Variants in ZNF180 observed in about 807,000 individuals in gnomAD.
ZNF180 encodes zinc finger protein 180.
Under a neutral mutation model 11.8 loss-of-function variants are expected in ZNF180, and 11 were observed. That is an observed-to-expected ratio of 0.93 (90% confidence interval 0.59 to 1.55). The LOEUF is 1.55. ZNF180 is among the 40% of genes most tolerant of loss of function. ZNF180 has a pLI of 0.00. For missense variants in ZNF180, 773 were observed against 781.7 expected (o/e 0.99, Z 0.13); for synonymous variants, 287 against 257.7 (o/e 1.11, Z -1.09).
intron 2 of ZNF180, among the ~76,000 whole-genome samples, chr19:44,493,750 T>TCTCTCTTG (rs1258057463): frequency 2.8e-4 from 42 of 150,722 alleles, no homozygotes; most frequent in Middle Eastern, 6.8e-3. Context: ...GTGCTCTTGC[T>TCTCTCTTG]CTCTCTCTCT....
At chr19:44,480,921 G>A (rs1020060773) in intron 3 of ZNF180, among the ~76,000 whole-genome samples, 3 of 152,152 alleles carry the variant, frequency 2.0e-5, no homozygotes, top group African/African-American at 7.2e-5. Flanking sequence ...GATCCTCAAA[G>A]ATTAACTGAG....
rs1970558308 is a variant in ZNF180, at chr19:44,495,566, C to G, written c.51+1718G>C. ...ATCTCACCCCACTCTGGCTCCAACA[C>G]CCCATCTACCATGGACACCTGCTCA... On this transcript the variant is annotated intron_variant, in intron 2 of 4. Coordinates refer to ENST00000592529, the MANE Select transcript of ZNF180 (RefSeq NM_001278509.3). This position sits in a 1 kb window ranked among gnomAD's most constrained non-coding sequence, Gnocchi z 4.5. Among the ~76,000 whole-genome samples the G allele has an allele frequency of 6.6e-6, 1 of 152,148 alleles. No homozygotes were observed. Among genetic ancestry groups the G allele is most frequent in the African/African-American group, 2.4e-5 (1 of 41,416 alleles).
At chr19:44,490,136 G>T (rs977062397) in intron 2 of ZNF180, among the ~76,000 whole-genome samples, 1 of 115,816 alleles carries the variant, frequency 8.6e-6, no homozygotes, top group Admixed American at 9.6e-5. Context: ...GGAAGGGAAG[G>T]GAAAGAAAGG....
At chr19:44,479,433 C>A (rs777302047) in intron 3 of ZNF180, 24 bp from the exon 4 acceptor site, 1 of 1,612,300 alleles carries the variant, frequency 6.2e-7, no homozygotes, top group South Asian at 1.1e-5. Context: ...CACATTCCTG[C>A]TCAGCTGGGC....
At chr19:44,499,146 T>C (rs1970667161) in intron 1 of ZNF180, among the ~76,000 whole-genome samples, 1 of 152,152 alleles carries the variant, frequency 6.6e-6, no homozygotes, top group Non-Finnish European at 1.5e-5. Context: ...AGCATACAGC[T>C]CCATAATCAG....
chr19:44,478,021 C>A lies in ZNF180; in HGVS notation c.379G>T (p.Glu127Ter). The A allele has an allele frequency of 1.2e-6, 2 of 1,614,088 alleles. No homozygotes were observed. Among genetic ancestry groups the A allele is most frequent in the Non-Finnish European group, 1.7e-6 (2 of 1,179,972 alleles). Reference sequence around the variant, plus strand: ...AACTGGTCTTTACAATCATCCACTTCTTCACATGAAGATAACCAAGGATCA... The same window carrying A: ...AACTGGTCTTTACAATCATCCACTTATTCACATGAAGATAACCAAGGATCA... ...RDDPWLSSCEEVDDCKDQLEK... is the reference protein window; with the variant it reads ...RDDPWLSSCE Residue 127 changes from glutamate to a stop codon, truncating the protein, a stop_gained, in exon 5 of 5, where the codon GAA becomes TAA. Coordinates refer to ENST00000592529, the MANE Select transcript of ZNF180 (RefSeq NM_001278509.3). LOFTEE classifies it low-confidence loss of function (END_TRUNC).
intron 4 of ZNF180, 128 bp from the exon 5 acceptor site, chr19:44,478,274 T>G: frequency 1.0e-6 from 1 of 982,026 alleles, no homozygotes; most frequent in African/African-American, 1.6e-5. Flanking sequence ...TAACCTAGGT[T>G]GAAAAAGCAA....
chr19:44,490,540 A>C (rs567730962), intron 2 of ZNF180, among the ~76,000 whole-genome samples: 2 of 152,258 alleles, frequency 1.3e-5, no homozygotes, highest in African/African-American at 2.4e-5. Flanking sequence ...TTTTCTTAAA[A>C]AAATGCCTGG....
At chr19:44,482,390 T>A (rs1325920848) in intron 3 of ZNF180, among the ~76,000 whole-genome samples, 2 of 152,154 alleles carry the variant, frequency 1.3e-5, no homozygotes, top group African/African-American at 4.8e-5. Context: ...TAATGGAGAC[T>A]TATACTTCCT....
chr19:44,477,369 T>C lies in ZNF180; in HGVS notation c.1031A>G (p.His344Arg), dbSNP rs146532451. Residue 344 changes from histidine (H) to arginine (R), a missense_variant, in exon 5 of 5, where the codon CAT (histidine) becomes CGT (arginine). Coordinates refer to ENST00000592529, the MANE Select transcript of ZNF180 (RefSeq NM_001278509.3). Reference protein sequence around the residue: ...SFSWSSHLVAHQRTHTGEKPY... With the variant: ...SFSWSSHLVARQRTHTGEKPY... ...TTTCTCCCCTGTGTGAGTTCTCTGA[T>C]GTGCAACAAGATGCGAGCTCCAGCT... 7.4e-5 allele frequency: 119 copies of C among 1,614,142 alleles called. No homozygotes were observed. The African/African-American group carries it at 1.4e-3, about 19-fold the overall frequency.
In ZNF180 at chr19:44,489,136, C is replaced by T. The variant is rs551852707; in HGVS notation, c.52-4701G>A. Among the ~76,000 whole-genome samples, 9 of 143,986 alleles carry T rather than the reference C, an allele frequency of 6.3e-5. No homozygotes were observed. The South Asian group carries it at 1.9e-3, about 30-fold the overall frequency. 94.5% of individuals were successfully genotyped at this position (143,986 alleles called of 152,430 possible). A position where few individuals can be genotyped will look rare whatever the true frequency, so the allele number is the denominator to read the frequency against. ...CAGCCTCCCGCCCGGCCAGCCGCCCCGTCCGGGAGGGAGGTGGGGGGGCCA... is the reference window on the plus strand; with the variant it reads ...CAGCCTCCCGCCCGGCCAGCCGCCCTGTCCGGGAGGGAGGTGGGGGGGCCA... On this transcript the variant is annotated intron_variant, in intron 2 of 4. Coordinates refer to ENST00000592529, the MANE Select transcript of ZNF180 (RefSeq NM_001278509.3).
rs1451281963 is a variant in ZNF180, at chr19:44,475,293, A to G, written c.*1109T>C. ...TATTCAGAGGACTCTCACATCAGGG[A>G]ACATATCCCAGAGGAAAGAGACAAT... is the stretch of plus-strand genomic sequence containing the variant. On this transcript the variant is annotated 3_prime_UTR_variant, in exon 5 of 5. Transcript: ENST00000592529. 3 of 152,236 alleles carry G rather than the reference A, an allele frequency of 2.0e-5. No individual in the cohort carries two copies. Among genetic ancestry groups the G allele is most frequent in the Non-Finnish European group, 4.4e-5 (3 of 68,048 alleles). 9.4% of individuals were successfully genotyped at this position (152,236 alleles called of 1,614,324 possible).
At chr19:44,480,899 A>T (rs1008449801) in intron 3 of ZNF180, among the ~76,000 whole-genome samples, 2 of 152,204 alleles carry the variant, frequency 1.3e-5, no homozygotes, top group Non-Finnish European at 2.9e-5. Context: ...TGTTATGATT[A>T]GTAGGTCTCA....
intron 4 of ZNF180, 122 bp from the exon 5 acceptor site, chr19:44,478,268 C>A: frequency 8.9e-7 from 1 of 1,126,422 alleles, no homozygotes; most frequent in Non-Finnish European, 1.2e-6. Flanking sequence ...GACCGATAAC[C>A]TAGGTTGAAA....
At position 44,484,386 on chromosome 19, in the gene ZNF180, G is replaced by C. The variant is rs1970167074; in HGVS notation, c.101C>G (p.Thr34Ser). 1 of 1,613,852 alleles carries C rather than the reference G, an allele frequency of 6.2e-7. No homozygotes were observed. The highest frequency in any genetic ancestry group is 8.5e-7 in the Non-Finnish European group (1 of 1,179,860). Reference protein sequence around the residue: ...EIIIKVEGEDTGSLTIPSQEG... With the variant: ...EIIIKVEGEDSGSLTIPSQEG... ...CTGAGATGGGATGGTCAGAGACCCAGTGTCTTCTCCCTCGACTTTGATGAT... is the reference window on the plus strand; with the variant it reads ...CTGAGATGGGATGGTCAGAGACCCACTGTCTTCTCCCTCGACTTTGATGAT... Residue 34 changes from threonine (T) to serine (S), a missense_variant, in exon 3 of 5, where the codon ACT (threonine) becomes AGT (serine). Transcript: ENST00000592529.
At chr19:44,488,297 G>C (rs1412566341) in intron 2 of ZNF180, among the ~76,000 whole-genome samples, 1 of 148,784 alleles carries the variant, frequency 6.7e-6, no homozygotes, top group Non-Finnish European at 1.5e-5. Flanking sequence ...TCTTTCCACG[G>C]TCTCCCTCTG....
chr19:44,481,549 C>A (rs1341454429), intron 3 of ZNF180, among the ~76,000 whole-genome samples: 2 of 152,106 alleles, frequency 1.3e-5, no homozygotes, highest in Non-Finnish European at 2.9e-5. Context: ...TAGATTAGCA[C>A]CCCCACTCCA....
intron 1 of ZNF180, among the ~76,000 whole-genome samples, chr19:44,498,885 C>T (rs1030376485): frequency 6.6e-6 from 1 of 152,182 alleles, no homozygotes; most frequent in Non-Finnish European, 1.5e-5. Flanking sequence ...GCACACGGGC[C>T]ACCCACCTAG....
intron 2 of ZNF180, among the ~76,000 whole-genome samples, chr19:44,487,449 G>A (rs140870697): frequency 1.4e-3 from 211 of 152,224 alleles, no homozygotes; most frequent in African/African-American, 4.9e-3. Flanking sequence ...ATTTTTTGTA[G>A]AAGACAGGGT....
Sources: allele counts gnomAD v4.1 joint callset (sites outside exome capture counted in the v4.1 genomes callset), GRCh38; gene constraint gnomAD v4.1.1; non-coding constraint Gnocchi (gnomAD v3.1); transcripts MANE v1.5; gene names NCBI Gene and HGNC (gene_info 2026-07-23, HGNC 2026-07-21).